Variants in SAMSN1 observed in about 807,000 individuals in gnomAD.
The protein encoded by SAMSN1 is SAM domain, SH3 domain and nuclear localization signals 1.
Under a neutral mutation model 42.0 loss-of-function variants are expected in SAMSN1, and 31 were observed. That is an observed-to-expected ratio of 0.74 (90% CI 0.55 to 1.00). The LOEUF is 1.00. Among genes scored for constraint, SAMSN1 ranks in the 50% least tolerant of loss-of-function variants. The pLI is 0.00. For missense variants in SAMSN1, 464 were observed against 439.4 expected (o/e 1.06, Z -0.50); for synonymous variants, 178 against 151.9 (o/e 1.17, Z -1.26).
intron 7 of SAMSN1, among the ~76,000 whole-genome samples, chr21:14,497,547 G>A (rs1290098208): frequency 6.6e-6 from 1 of 152,132 alleles, no homozygotes; most frequent in Non-Finnish European, 1.5e-5. Flanking sequence ...AGCCGAGATC[G>A]CACCGCTGCG....
chr21:14,627,972 T>A (rs540177957), intron 2 of SAMSN1, among the ~76,000 whole-genome samples: 2 of 152,088 alleles, frequency 1.3e-5, no homozygotes, highest in East Asian at 3.9e-4. Context: ...ATGTTGAATA[T>A]CCTCACCCAA....
intron 5 of SAMSN1, among the ~76,000 whole-genome samples, chr21:14,608,709 G>A (rs1269141854): frequency 6.6e-6 from 1 of 152,116 alleles, no homozygotes; most frequent in Non-Finnish European, 1.5e-5. Flanking sequence ...GAGAGTGAAA[G>A]GACTTTGTCT....
chr21:14,510,109 A>G (rs1987615919), intron 5 of SAMSN1, among the ~76,000 whole-genome samples: 1 of 151,818 alleles, frequency 6.6e-6, no homozygotes, highest in South Asian at 2.1e-4. Context: ...ACTGCACTCC[A>G]GCCTGGGCAA....
intron 1 of SAMSN1, among the ~76,000 whole-genome samples, chr21:14,656,432 G>T (rs932825943): frequency 5.9e-5 from 9 of 151,928 alleles, no homozygotes; most frequent in Non-Finnish European, 1.0e-4. Context: ...TGAAGAAATT[G>T]TGCAGGAGTA....
chr21:14,612,263 T>C (rs747330155), intron 4 of SAMSN1, among the ~76,000 whole-genome samples: 13 of 152,230 alleles, frequency 8.5e-5, no homozygotes, highest in Non-Finnish European at 1.0e-4. Flanking sequence ...AATTATTGAC[T>C]GGATGATCCA....
rs548409303 is a variant in SAMSN1 at position 14,521,486 on chromosome 21, T to A, written c.58-265A>T. The stretch of plus-strand genomic sequence containing the variant: ...AAAATCTTGGTTAAATTATTTTAAA[T>A]TTTTTATTTTAATTTTGCTCTTTGA... On this transcript the variant is annotated intron_variant, in intron 1 of 7. Transcript: ENST00000400566. Among the ~76,000 whole-genome samples, 24 of 152,318 alleles carry A rather than the reference T, an allele frequency of 1.6e-4. No homozygotes were observed. In the East Asian group the frequency reaches 3.7e-3, roughly 23 times the overall value.
chr21:14,646,951 T>G (rs984192131), intron 1 of SAMSN1, among the ~76,000 whole-genome samples: 45 of 152,218 alleles, frequency 3.0e-4, no homozygotes, highest in African/African-American at 1.0e-3. Flanking sequence ...AACTAAACCA[T>G]GTCTCCAGAC....
chr21:14,571,381 G>A (rs1164046929), intron 2 of SAMSN1, among the ~76,000 whole-genome samples: 1 of 152,142 alleles, frequency 6.6e-6, no homozygotes, highest in East Asian at 1.9e-4. Flanking sequence ...TGGGCTTGAG[G>A]TGAGCTGCAA....
chr21:14,535,269 T>C (rs1020863850), intron 1 of SAMSN1, among the ~76,000 whole-genome samples: 2 of 152,198 alleles, frequency 1.3e-5, no homozygotes, highest in Non-Finnish European at 2.9e-5. Flanking sequence ...GATGTTTTAC[T>C]TTTTAGTTTT....
intron 4 of SAMSN1, among the ~76,000 whole-genome samples, chr21:14,511,362 G>T (rs540077621): frequency 6.6e-6 from 1 of 152,090 alleles, no homozygotes; most frequent in Non-Finnish European, 1.5e-5. Flanking sequence ...AGGGCTTTTC[G>T]CAGTCCATTC....
At chr21:14,599,172 T>C (rs893475024) in intron 6 of SAMSN1, among the ~76,000 whole-genome samples, 1 of 152,136 alleles carries the variant, frequency 6.6e-6, no homozygotes, top group Non-Finnish European at 1.5e-5. Context: ...GGTGATATGG[T>C]TTCATTGTGT....
At chr21:14,512,093 T>C (rs1241203756) in intron 4 of SAMSN1, among the ~76,000 whole-genome samples, 1 of 152,158 alleles carries the variant, frequency 6.6e-6, no homozygotes, top group East Asian at 1.9e-4. Flanking sequence ...TTTATCTGAA[T>C]ACTTCAAGTC....
At chr21:14,654,110 C>T (rs1983877599) in intron 1 of SAMSN1, among the ~76,000 whole-genome samples, 1 of 151,562 alleles carries the variant, frequency 6.6e-6, no homozygotes, top group African/African-American at 2.4e-5. Flanking sequence ...ATCAAATTGA[C>T]TTTTTTAAAA....
At chr21:14,587,736 T>C (rs951694206), upstream of SAMSN1, among the ~76,000 whole-genome samples, 2 of 151,478 alleles carry the variant, frequency 1.3e-5, no homozygotes, top group Admixed American at 6.6e-5. Context: ...TGTTGTTTTA[T>C]CCATCACCTT....
At chr21:14,575,376 G>A (rs990936301) in intron 2 of SAMSN1, among the ~76,000 whole-genome samples, 1 of 152,084 alleles carries the variant, frequency 6.6e-6, no homozygotes, top group African/African-American at 2.4e-5. Flanking sequence ...AGCACAGACT[G>A]TAGTGAGTAT....
chr21:14,610,263 G>T (rs1408792815), intron 4 of SAMSN1, among the ~76,000 whole-genome samples: 1 of 152,082 alleles, frequency 6.6e-6, no homozygotes, highest in Non-Finnish European at 1.5e-5. Context: ...TCCCAGGGCG[G>T]GGCCTCTAAA....
chr21:14,500,812 G>A (rs749138339), intron 5 of SAMSN1, 77 bp from the exon 6 acceptor site: 87 of 1,105,786 alleles, frequency 7.9e-5, no homozygotes, highest in Non-Finnish European at 9.9e-5. Context: ...TAGAAAACTA[G>A]AATAATGAGG....
intron 2 of SAMSN1, among the ~76,000 whole-genome samples, chr21:14,632,663 T>C (rs904056554): frequency 2.0e-5 from 3 of 152,152 alleles, no homozygotes; most frequent in African/African-American, 7.2e-5. Context: ...AGAGTTTCTG[T>C]GGGTTAAGAA....
At chr21:14,495,006 T>G (rs1243181058) in intron 7 of SAMSN1, among the ~76,000 whole-genome samples, 1 of 152,202 alleles carries the variant, frequency 6.6e-6, no homozygotes, top group Admixed American at 6.5e-5. Context: ...ATGTTCTCAA[T>G]CTAACAATGA....
Sources: allele counts gnomAD v4.1 joint callset (sites outside exome capture counted in the v4.1 genomes callset), GRCh38; gene constraint gnomAD v4.1.1; transcripts MANE v1.5; gene names NCBI Gene and HGNC (gene_info 2026-07-23, HGNC 2026-07-21).